REEP1: variants seen among roughly 807,000 people sequenced by gnomAD.
REEP1 encodes the protein receptor expression-enhancing protein 1.
REEP1 carries 22 observed loss-of-function variants against 40.3 expected under a neutral mutation model. That is an observed-to-expected ratio of 0.55 (90% CI 0.39 to 0.78). The LOEUF (loss-of-function observed/expected upper bound fraction) is 0.78. Ranked by LOEUF, REEP1 falls within the 30% of genes least tolerant of loss-of-function variation. REEP1 has a pLI of 0.00. For synonymous variants in REEP1, 116 were observed against 139.2 expected, an observed-to-expected ratio of 0.83 and a Z score of 1.17; for missense variants, 280 against 361.1, an observed-to-expected ratio of 0.78 and a Z score of 1.82.
intron 1 of REEP1, chr2:86,336,883 C>G (rs1681067390): frequency 6.6e-6 from 1 of 152,292 alleles, no homozygotes. Context: ...GCGTTTACTC[C>G]AAGATTCACA....
Position 86,283,146 on chromosome 2 carries a change from T to C in REEP1, c.33-904A>G, listed in dbSNP as rs1460965601. Among the ~76,000 whole-genome samples the C allele has an allele frequency of 6.6e-5, 10 of 152,176 alleles. 1 individual carries two copies. Reference sequence around the variant, plus strand: ...TGTACCTATTATCAGGGTGTTCTTTTATTGTTGTTTGTGTAATGTTTTGAT... The same window carrying C: ...TGTACCTATTATCAGGGTGTTCTTTCATTGTTGTTTGTGTAATGTTTTGAT... On this transcript the variant is annotated intron_variant, in intron 1 of 8. Coordinates refer to ENST00000538924, the MANE Select transcript of REEP1 (RefSeq NM_001371279.1).
chr2:86,231,247 CG>C, intron 6 of REEP1, among the ~76,000 whole-genome samples: 1 of 152,114 alleles, frequency 6.6e-6, no homozygotes, highest in Non-Finnish European at 1.5e-5. Flanking sequence ...GGGGGTCCCT[CG>C]GGGGGTAACC....
At chr2:86,243,404 A>T (rs753567979) in intron 5 of REEP1, among the ~76,000 whole-genome samples, 10 of 152,248 alleles carry the variant, frequency 6.6e-5, no homozygotes, top group Admixed American at 1.3e-4. Context: ...CCCTTGAGGC[A>T]TCAGGCTGCA....
At chr2:86,317,779 G>A (rs1680084932) in intron 1 of REEP1, among the ~76,000 whole-genome samples, 1 of 152,190 alleles carries the variant, frequency 6.6e-6, no homozygotes, top group Admixed American at 6.5e-5. Context: ...GAAATAAGTA[G>A]CACTCATACA....
chr2:86,252,088 G>A lies in REEP1; in HGVS notation c.304-18C>T, dbSNP rs746183170. ...TCGATTTCCTGTCAAAGGAAAAACA[G>A]AGGCACACTGAGCTGGAAGGTTCAA... is the stretch of plus-strand genomic sequence containing the variant. On this transcript the variant is annotated intron_variant, in intron 4 of 8. Transcript: ENST00000538924. 1 of 1,514,616 alleles carries A rather than the reference G, an allele frequency of 6.6e-7. No individual in the cohort carries two copies. Among genetic ancestry groups the A allele is most frequent in the East Asian group, 2.3e-5 (1 of 44,426 alleles). 93.8% of individuals were successfully genotyped at this position (1,514,616 alleles called of 1,614,324 possible). A position where few individuals can be genotyped will look rare whatever the true frequency, so the allele number is the denominator to read the frequency against.
chr2:86,318,738 T>A (rs906479290), intron 1 of REEP1, among the ~76,000 whole-genome samples: 3 of 152,120 alleles, frequency 2.0e-5, no homozygotes, highest in African/African-American at 7.2e-5. Flanking sequence ...AGGAGAGTAA[T>A]CTTGTCCTTG....
In REEP1 at chr2:86,216,326, C is replaced by G. The variant is rs575365311; in HGVS notation, c.*713G>C. The G allele has an allele frequency of 6.6e-6, 1 of 152,188 alleles. No homozygotes were observed. The highest frequency in any genetic ancestry group is 1.5e-5 in the Non-Finnish European group (1 of 68,040). The allele number at this position is 152,188 out of a possible 1,614,324, so 9.4% of individuals were successfully genotyped here. On this transcript the variant is annotated 3_prime_UTR_variant, in exon 9 of 9. Transcript: ENST00000538924. ...GATGTTCCCCTGACCTCTCATCACACTTTACTGTGTTGTGAAATATTGTTT... is the reference window on the plus strand; with the variant it reads ...GATGTTCCCCTGACCTCTCATCACAGTTTACTGTGTTGTGAAATATTGTTT...
At chr2:86,315,004 C>T (rs959916458) in intron 1 of REEP1, among the ~76,000 whole-genome samples, 1 of 152,028 alleles carries the variant, frequency 6.6e-6, no homozygotes, top group African/African-American at 2.4e-5. Flanking sequence ...GGAGGCAGTT[C>T]TTAAGGCTCT....
chr2:86,317,496 A>G (rs1156367216), intron 1 of REEP1, among the ~76,000 whole-genome samples: 1 of 152,176 alleles, frequency 6.6e-6, no homozygotes, highest in African/African-American at 2.4e-5. Flanking sequence ...GGTCAAAACA[A>G]TTTCAACAAT....
intron 3 of REEP1, 25 bp from the exon 4 acceptor site, chr2:86,254,839 G>C: frequency 6.2e-7 from 1 of 1,612,402 alleles, no homozygotes; most frequent in Non-Finnish European, 8.5e-7. Flanking sequence ...GAAAACACAA[G>C]TTCTGTTAGG....
intron 1 of REEP1, among the ~76,000 whole-genome samples, chr2:86,309,560 C>T (rs1351412374): frequency 2.0e-5 from 3 of 152,226 alleles, no homozygotes; most frequent in Non-Finnish European, 4.4e-5. Context: ...ATGGCTTAAA[C>T]AACAGAAATC....
intron 1 of REEP1, among the ~76,000 whole-genome samples, chr2:86,308,157 C>G (rs1163522017): frequency 1.3e-5 from 2 of 152,222 alleles, no homozygotes; most frequent in Non-Finnish European, 2.9e-5. Flanking sequence ...TGGGAAGATC[C>G]TGGCCATCAG....
chr2:86,217,666 ATTTT>A (rs10668934), intron 8 of REEP1, among the ~76,000 whole-genome samples: 106 of 112,836 alleles, frequency 9.4e-4, no homozygotes, highest in South Asian at 1.3e-3. Flanking sequence ...GGGATTTCAG[ATTTT>A]TTTTTTTTTT....
chr2:86,288,101 C>G (rs1468849434), intron 1 of REEP1, among the ~76,000 whole-genome samples: 1 of 151,262 alleles, frequency 6.6e-6, no homozygotes, highest in East Asian at 1.9e-4. Flanking sequence ...CAGCTCACTA[C>G]AACCTCCACC....
chr2:86,265,753 G>C (rs1677099574), intron 2 of REEP1, among the ~76,000 whole-genome samples: 1 of 152,144 alleles, frequency 6.6e-6, no homozygotes, highest in Non-Finnish European at 1.5e-5. Context: ...CATGGACATA[G>C]AGAGTGGAAT....
chr2:86,238,230 A>T (rs1236110626), intron 5 of REEP1, among the ~76,000 whole-genome samples: 1 of 152,224 alleles, frequency 6.6e-6, no homozygotes, highest in Non-Finnish European at 1.5e-5. Flanking sequence ...GTGAAAAAAC[A>T]TTGTGTCCTA....
rs578025785 is a variant in REEP1 at position 86,216,156 on chromosome 2, C to G, written c.*883G>C. On this transcript the variant is annotated 3_prime_UTR_variant, in exon 9 of 9. Coordinates refer to ENST00000538924, the MANE Select transcript of REEP1 (RefSeq NM_001371279.1). The stretch of plus-strand genomic sequence containing the variant: ...TCGTCCTTTGTCAAGCACAGAATTA[C>G]TCCTTCCAGCAGCTCTACATGTTCC... The G allele has an allele frequency of 6.6e-6, 1 of 152,358 alleles. No individual in the cohort carries two copies. Among genetic ancestry groups the G allele is most frequent in the South Asian group, 2.1e-4 (1 of 4,832 alleles). 9.4% of individuals were successfully genotyped at this position (152,358 alleles called of 1,614,324 possible).
At chr2:86,275,022 C>A (rs928590200) in intron 2 of REEP1, among the ~76,000 whole-genome samples, 5 of 152,194 alleles carry the variant, frequency 3.3e-5, no homozygotes, top group Non-Finnish European at 7.4e-5. Context: ...ACTTCTTTAG[C>A]CTCACCTCAC....
At chr2:86,243,906 T>C (rs965229913) in intron 5 of REEP1, among the ~76,000 whole-genome samples, 3 of 152,136 alleles carry the variant, frequency 2.0e-5, no homozygotes, top group Non-Finnish European at 4.4e-5. Flanking sequence ...GAGACAAACA[T>C]AGGGCTTTCT....
Sources: gnomAD v4.1 joint callset for allele counts (sites outside exome capture counted in the v4.1 genomes callset) on GRCh38, gnomAD v4.1.1 for gene constraint, MANE v1.5 for transcripts, NCBI Gene and HGNC (gene_info 2026-07-23, HGNC 2026-07-21) for gene names.